ROBO2: variants seen among roughly 807,000 people sequenced by gnomAD.
The protein encoded by ROBO2 is roundabout guidance receptor 2.
ROBO2 carries 53 observed loss-of-function variants against 160.8 expected under a neutral mutation model. The observed-to-expected ratio is 0.33, with a 90% CI of 0.26 to 0.41. The LOEUF is 0.41. Among genes scored for constraint, ROBO2 ranks in the 10% least tolerant of loss-of-function variants. ROBO2 has a pLI of 1.00. For missense variants in ROBO2, 1,577 were observed against 1,722.4 expected, an observed-to-expected ratio of 0.92 and a Z score of 1.49; for synonymous variants, 664 against 611.7, an observed-to-expected ratio of 1.09 and a Z score of -1.26.
chr3:77,603,729 G>T (rs1390121816), intron 20 of ROBO2: 4 of 152,052 alleles, frequency 2.6e-5, no homozygotes, highest in African/African-American at 9.7e-5. Context: ...TATACCTATT[G>T]TAATGACTTA....
chr3:76,237,164 A>C (rs2107498357), intron 2 of ROBO2, among the ~76,000 whole-genome samples: 1 of 152,268 alleles, frequency 6.6e-6, no homozygotes, highest in Admixed American at 6.5e-5. Context: ...GCCTCCTTGT[A>C]GCAAGTAAAT....
At chr3:76,804,516 G>A (rs2064515242) in intron 2 of ROBO2, among the ~76,000 whole-genome samples, 1 of 152,156 alleles carries the variant, frequency 6.6e-6, no homozygotes, top group South Asian at 2.1e-4. Flanking sequence ...CTTACCTTGT[G>A]CCACTAGGTC....
At chr3:76,734,683 C>G (rs889613474) in intron 2 of ROBO2, among the ~76,000 whole-genome samples, 1 of 152,166 alleles carries the variant, frequency 6.6e-6, no homozygotes, top group African/African-American at 2.4e-5. Flanking sequence ...TGCTTTGTCC[C>G]TCTTTCTCCC....
chr3:77,161,642 T>C (rs1204161212), intron 2 of ROBO2, among the ~76,000 whole-genome samples: 11 of 152,230 alleles, frequency 7.2e-5, no homozygotes, highest in Admixed American at 7.2e-4. Flanking sequence ...TTTTTGCTTA[T>C]TATAAGAAAT....
At chr3:77,148,581 A>G (rs946034725) in intron 2 of ROBO2, among the ~76,000 whole-genome samples, 1 of 152,228 alleles carries the variant, frequency 6.6e-6, no homozygotes, top group Non-Finnish European at 1.5e-5. Flanking sequence ...AGGCTTATCA[A>G]TACAGCAATA....
intron 2 of ROBO2, among the ~76,000 whole-genome samples, chr3:76,804,061 C>T (rs2064469687): frequency 6.6e-6 from 1 of 152,166 alleles, no homozygotes; most frequent in African/African-American, 2.4e-5. Context: ...ATTCATTCAG[C>T]AGATATTTAC....
intron 2 of ROBO2, among the ~76,000 whole-genome samples, chr3:76,203,815 G>C (rs551002344): frequency 6.6e-6 from 1 of 152,032 alleles, no homozygotes; most frequent in South Asian, 2.1e-4. Context: ...CTAGTAATCT[G>C]AGTCAGATTG....
At chr3:77,482,676 T>C (rs2084847288) in intron 4 of ROBO2, among the ~76,000 whole-genome samples, 1 of 152,216 alleles carries the variant, frequency 6.6e-6, no homozygotes, top group South Asian at 2.1e-4. Flanking sequence ...CTACATTTCA[T>C]GCAGTCCTCT....
At chr3:77,272,308 C>G (rs2059544303) in intron 2 of ROBO2, among the ~76,000 whole-genome samples, 1 of 152,090 alleles carries the variant, frequency 6.6e-6, no homozygotes, top group African/African-American at 2.4e-5. Flanking sequence ...GTTCCACAAG[C>G]TGTAGAGGCA....
chr3:77,128,424 G>A (rs2075546302), intron 2 of ROBO2, among the ~76,000 whole-genome samples: 1 of 152,214 alleles, frequency 6.6e-6, no homozygotes. Context: ...AGATATCCAA[G>A]TGGGGGTTTT....
chr3:77,452,977 T>C (rs149299344), intron 2 of ROBO2, among the ~76,000 whole-genome samples: 2 of 152,228 alleles, frequency 1.3e-5, no homozygotes, highest in African/African-American at 4.8e-5. Flanking sequence ...TCTCCTCAAG[T>C]AGTGTCTTCT....
chr3:76,913,764 A>ATAATACTCCTTTAGATGAGTAAATGTGAG (rs2076135908), intron 2 of ROBO2, among the ~76,000 whole-genome samples: 1 of 152,212 alleles, frequency 6.6e-6, no homozygotes, highest in Non-Finnish European at 1.5e-5. Flanking sequence ...GTAACTGTGA[A>ATAATACTCCTTTAGATGAGTAAATGTGAG]TAATACTCCT....
At chr3:76,559,986 T>C (rs992819520) in intron 2 of ROBO2, among the ~76,000 whole-genome samples, 3 of 152,138 alleles carry the variant, frequency 2.0e-5, no homozygotes, top group Non-Finnish European at 4.4e-5. Flanking sequence ...CACTTTAAAA[T>C]CCTTAGAGCA....
At chr3:76,967,146 C>T (rs1371602414) in intron 2 of ROBO2, among the ~76,000 whole-genome samples, 2 of 152,004 alleles carry the variant, frequency 1.3e-5, no homozygotes, top group African/African-American at 4.8e-5. Context: ...TAAGGTAGCA[C>T]ATCCGGAATT....
At chr3:77,125,594 AT>A (rs1416155223) in intron 2 of ROBO2, among the ~76,000 whole-genome samples, 1 of 152,150 alleles carries the variant, frequency 6.6e-6, no homozygotes, top group African/African-American at 2.4e-5. Flanking sequence ...ATCGGTATTT[AT>A]GTCCGCGTGC....
chr3:77,243,241 C>T (rs1430769152), intron 2 of ROBO2, among the ~76,000 whole-genome samples: 1 of 152,016 alleles, frequency 6.6e-6, no homozygotes, highest in East Asian at 1.9e-4. Context: ...TAATAATTTG[C>T]TTCTTGTGTA....
intron 2 of ROBO2, among the ~76,000 whole-genome samples, chr3:76,426,683 T>C (rs553621045): frequency 3.9e-4 from 59 of 152,254 alleles, no homozygotes; most frequent in Admixed American, 1.2e-3. Context: ...TTTGTGCTTT[T>C]CTTTCTTTTA....
chr3:76,627,995 A>G (rs1193637716), intron 2 of ROBO2, among the ~76,000 whole-genome samples: 1 of 152,088 alleles, frequency 6.6e-6, no homozygotes, highest in South Asian at 2.1e-4. Flanking sequence ...TACTTTGAAT[A>G]TATTATAACA....
chr3:77,478,755 A>C (rs191096139), intron 3 of ROBO2, among the ~76,000 whole-genome samples: 1 of 152,222 alleles, frequency 6.6e-6, no homozygotes, highest in Admixed American at 6.5e-5. Flanking sequence ...AAATATGTTT[A>C]TTACAAATGA....
Sources: gnomAD v4.1 joint callset for allele counts (sites outside exome capture counted in the v4.1 genomes callset) on GRCh38, gnomAD v4.1.1 for gene constraint, MANE v1.5 for transcripts, NCBI Gene and HGNC (gene_info 2026-07-23, HGNC 2026-07-21) for gene names.